Variants in MAP3K21 observed in about 807,000 individuals in gnomAD.
MAP3K21 encodes mitogen-activated protein kinase kinase kinase 21.
A neutral mutation model predicts 86.1 loss-of-function variants in MAP3K21; 63 were observed. The observed-to-expected ratio is 0.73, with a 90% CI of 0.60 to 0.90. The LOEUF (loss-of-function observed/expected upper bound fraction) is 0.90. Among genes scored for constraint, MAP3K21 ranks in the 40% least tolerant of loss-of-function variants. The probability of loss-of-function intolerance (pLI) is 0.00; values close to 1 mark genes in which losing one functional copy is unlikely to be tolerated. For synonymous variants in MAP3K21, 558 were observed against 564.8 expected (o/e 0.99, Z 0.17); for missense variants, 1,220 against 1,367.7 (o/e 0.89, Z 1.70).
In MAP3K21 at chr1:233,370,788, C is replaced by T. The variant is rs2102763674; in HGVS notation, c.1553-1250C>T. Among the ~76,000 whole-genome samples, 3 of 152,300 alleles carry T rather than the reference C, an allele frequency of 2.0e-5. No homozygotes were observed. The East Asian group carries it at 5.8e-4, about 29-fold the overall frequency. ...CAGGATTAGATTGCTGGGTTAAACG[C>T]AGACCTGGTTGATGTCTAATATGGC... On this transcript the variant is annotated intron_variant, in intron 5 of 9. Transcript: ENST00000366624.
chr1:233,328,872 C>A lies in MAP3K21; in HGVS notation c.805+39C>A. On this transcript the variant is annotated intron_variant, in intron 1 of 9. Coordinates refer to ENST00000366624, the MANE Select transcript of MAP3K21 (RefSeq NM_032435.3). The surrounding 1 kb of genome is among the most constrained non-coding windows in gnomAD (Gnocchi z 8.7). ...GAGGGAGGTGGGGGAAGACTACCTC[C>A]GTGCCAGCCCAGGCGGGCTCCACAG... 6.9e-7 allele frequency: 1 copy of A among 1,452,510 alleles called. No individual in the cohort carries two copies. The allele number at this position is 1,452,510 out of a possible 1,614,324, so 90.0% of individuals were successfully genotyped here. A position where few individuals can be genotyped will look rare whatever the true frequency, so the allele number is the denominator to read the frequency against.
intron 3 of MAP3K21, 68 bp downstream of exon 3, chr1:233,354,023 A>C (rs747506210): frequency 1.3e-5 from 18 of 1,367,940 alleles, no homozygotes; most frequent in Non-Finnish European, 1.6e-5. Context: ...ATTTTTTAAA[A>C]AACAGAAAAA....
rs1248849963 is a variant in MAP3K21, at chr1:233,346,566, G to A, written c.930G>A (p.Trp310Ter). The A allele has an allele frequency of 1.2e-6, 2 of 1,613,840 alleles. No homozygotes were observed. The highest frequency in any genetic ancestry group is 1.7e-6 in the Non-Finnish European group (2 of 1,179,890). ...TGAGCACAGCAGGCACCTATGCCTG[G>A]ATGGCCCCCGAAGTGATCAAGTCTT... is the stretch of plus-strand genomic sequence containing the variant. ...TKMSTAGTYA[W>*]MAPEVIKSSL... Residue 310 changes from tryptophan (W) to a stop codon, truncating the protein, a stop_gained, in exon 2 of 10, where the codon TGG becomes TGA. Transcript: ENST00000366624. LOFTEE classifies it high-confidence loss of function.
chr1:233,377,423 C>A (rs1663821650), intron 8 of MAP3K21, among the ~76,000 whole-genome samples: 1 of 152,182 alleles, frequency 6.6e-6, no homozygotes, highest in African/African-American at 2.4e-5. Flanking sequence ...TCACAAGCAC[C>A]TTTGCACTCA....
At chr1:233,339,246 C>CCTG (rs1393181588) in intron 1 of MAP3K21, among the ~76,000 whole-genome samples, 10 of 77,422 alleles carry the variant, frequency 1.3e-4, no homozygotes, top group African/African-American at 3.8e-4. Context: ...TCTTCTTCTT[C>CCTG]TTCTTCTTCT....
Position 233,335,360 on chromosome 1 carries a change from G to A in MAP3K21, c.805+6527G>A, listed in dbSNP as rs80141701. ...GTTGAGTGCTTTTAACTAAATAATA[G>A]TATTAATAATTGCAAAACCACGATT... On this transcript the variant is annotated intron_variant, in intron 1 of 9. Coordinates refer to ENST00000366624, the MANE Select transcript of MAP3K21 (RefSeq NM_032435.3). Among the ~76,000 whole-genome samples, 908 of 152,054 alleles carry A rather than the reference G, an allele frequency of 6.0e-3. 20 individuals carry two copies. In the East Asian group the frequency reaches 0.063, roughly 11 times the overall value.
chr1:233,348,680 G>A (rs1204812615), intron 2 of MAP3K21, among the ~76,000 whole-genome samples: 1 of 151,848 alleles, frequency 6.6e-6, no homozygotes. Context: ...TTTTGATTCG[G>A]GCCGTCCTTG....
At chr1:233,358,020 A>G (rs1222530998) in intron 4 of MAP3K21, among the ~76,000 whole-genome samples, 1 of 151,568 alleles carries the variant, frequency 6.6e-6, no homozygotes, top group Non-Finnish European at 1.5e-5. Context: ...ACTCTGAGTC[A>G]GACAGCCCTG....
At chr1:233,362,003 C>T (rs2102758579) in intron 4 of MAP3K21, 50 bp from the exon 5 acceptor site, 1 of 1,589,246 alleles carries the variant, frequency 6.3e-7, no homozygotes, top group Non-Finnish European at 8.6e-7. Flanking sequence ...AGACGGAATT[C>T]CCTTCTTCCT....
intron 5 of MAP3K21, among the ~76,000 whole-genome samples, chr1:233,370,165 A>G (rs1189223422): frequency 1.3e-5 from 2 of 152,240 alleles, no homozygotes; most frequent in South Asian, 2.1e-4. Context: ...ACAAAAGGAA[A>G]AAAACATTTA....
intron 8 of MAP3K21, among the ~76,000 whole-genome samples, chr1:233,378,423 A>G (rs568957879): frequency 2.0e-5 from 3 of 152,304 alleles, no homozygotes; most frequent in African/African-American, 4.8e-5. Context: ...AATAATTTAC[A>G]TTTCTACAAA....
intron 1 of MAP3K21, among the ~76,000 whole-genome samples, chr1:233,337,137 C>T (rs1464585191): frequency 6.6e-6 from 1 of 152,112 alleles, no homozygotes; most frequent in African/African-American, 2.4e-5. Context: ...CTGTATAGGG[C>T]CGGATAGTAA....
intron 2 of MAP3K21, 143 bp from the exon 3 acceptor site, chr1:233,353,664 G>A (rs1338830813): frequency 3.1e-6 from 2 of 645,690 alleles, no homozygotes; most frequent in Admixed American, 7.6e-5. Flanking sequence ...CCCACCTTGG[G>A]ATGTCAGCCA....
chr1:233,363,861 A>AC (rs935610172), intron 5 of MAP3K21, among the ~76,000 whole-genome samples: 7 of 150,208 alleles, frequency 4.7e-5, no homozygotes, highest in Admixed American at 3.3e-4. Flanking sequence ...CAAAAAAAAA[A>AC]AAATTAGCTG....
intron 9 of MAP3K21, among the ~76,000 whole-genome samples, chr1:233,381,284 C>T (rs1294241): frequency 0.44 from 66,460 of 151,914 alleles, 14,767 homozygotes; most frequent in African/African-American, 0.51. Flanking sequence ...GGGACAGTAA[C>T]AATATACATA....
chr1:233,339,195 T>TTTCTTCTTCTTCTTCTTCTTC lies in MAP3K21; in HGVS notation c.806-7195_806-7175dup, dbSNP rs71173272. 5.0e-4 allele frequency among the ~76,000 whole-genome samples: 58 copies of TTTCTTCTTCTTCTTCTTCTTC among 115,466 alleles called. 3 individuals carry two copies. The highest frequency in any genetic ancestry group is 5.3e-4 in the Admixed American group (6 of 11,368). The allele number at this position is 115,466 out of a possible 152,430, so 75.8% of individuals were successfully genotyped here. ...GCTACAATTATTTTTAAAACAATCA[T>TTTCTTCTTCTTCTTCTTCTTC]TTCTTCTTCTTCTTCTTCTTCTTCT... On this transcript the variant is annotated intron_variant, in intron 1 of 9. Coordinates refer to ENST00000366624, the MANE Select transcript of MAP3K21 (RefSeq NM_032435.3).
At chr1:233,340,194 T>C (rs2102760849) in intron 1 of MAP3K21, among the ~76,000 whole-genome samples, 1 of 152,292 alleles carries the variant, frequency 6.6e-6, no homozygotes, top group South Asian at 2.1e-4. Context: ...TAGACTCATC[T>C]AATATTGGAG....
intron 1 of MAP3K21, among the ~76,000 whole-genome samples, chr1:233,340,104 G>A (rs566886616): frequency 6.6e-6 from 1 of 152,294 alleles, no homozygotes; most frequent in Admixed American, 6.5e-5. Context: ...TAAGTGTAAC[G>A]GGCAAGGTAC....
chr1:233,373,704 G>A (rs12048106), intron 6 of MAP3K21: 28,800 of 152,058 alleles, frequency 0.19, 2,848 homozygotes, highest in South Asian at 0.3. Flanking sequence ...AATTCTGACA[G>A]CCTCATTGAG....
Sources: gnomAD v4.1 joint callset for allele counts (sites outside exome capture counted in the v4.1 genomes callset) on GRCh38, gnomAD v4.1.1 for gene constraint, Gnocchi (gnomAD v3.1) non-coding constraint, MANE v1.5 for transcripts, NCBI Gene and HGNC (gene_info 2026-07-23, HGNC 2026-07-21) for gene names.